CHL1: variants seen among roughly 807,000 people sequenced by gnomAD.
CHL1 encodes cell adhesion molecule L1 like.
CHL1 carries 96 observed loss-of-function variants against 141.9 expected under a neutral mutation model. The ratio of observed to expected loss-of-function variants is 0.68; its 90% CI spans 0.57 to 0.80. CHL1 has a LOEUF of 0.80. Ranked by LOEUF, CHL1 falls within the 30% of genes least tolerant of loss-of-function variation. CHL1 has a pLI of 0.00. For synonymous variants in CHL1, 613 were observed against 502.2 expected (o/e 1.22, Z -2.95); for missense variants, 1,820 against 1,457.2 (o/e 1.25, Z -4.05).
At chr3:396,856 A>G (rs1313062516) in intron 24 of CHL1, among the ~76,000 whole-genome samples, 3 of 152,184 alleles carry the variant, frequency 2.0e-5, no homozygotes, top group Admixed American at 6.5e-5. Context: ...GATCTTTGAA[A>G]AAAATATATA....
At chr3:244,870 G>A (rs1026198959) in intron 2 of CHL1, among the ~76,000 whole-genome samples, 178 bp downstream of exon 2, 13 of 151,852 alleles carry the variant, frequency 8.6e-5, no homozygotes, top group African/African-American at 3.1e-4. Flanking sequence ...GGTTTTTTTT[G>A]TTTTTTGAGT....
chr3:310,511 T>C (rs1036888529), intron 2 of CHL1, among the ~76,000 whole-genome samples: 5 of 152,352 alleles, frequency 3.3e-5, no homozygotes, highest in Middle Eastern at 3.4e-3. Flanking sequence ...TTTTTTGTTA[T>C]AGCTTAGAAA....
At chr3:381,089 C>G (rs1706974685) in intron 16 of CHL1, among the ~76,000 whole-genome samples, 1 of 152,104 alleles carries the variant, frequency 6.6e-6, no homozygotes, top group Admixed American at 6.6e-5. Context: ...CTCAGTAAGC[C>G]AGAAATAGGG....
At chr3:360,245 C>T (rs771557525) in intron 11 of CHL1, 39 bp from the exon 12 acceptor site, 2 of 1,607,596 alleles carry the variant, frequency 1.2e-6, no homozygotes, top group South Asian at 2.2e-5. Context: ...ATTTTATGTC[C>T]TGTTCCTTAT....
intron 23 of CHL1, among the ~76,000 whole-genome samples, chr3:393,587 GCTTTCTAT>G (rs1443771166): frequency 6.6e-6 from 1 of 151,808 alleles, no homozygotes; most frequent in African/African-American, 2.4e-5. Flanking sequence ...TAATTATTTT[GCTTTCTAT>G]TAATATTAAT....
intron 1 of CHL1, among the ~76,000 whole-genome samples, chr3:229,439 C>T (rs997081658): frequency 1.3e-5 from 2 of 152,064 alleles, no homozygotes; most frequent in African/African-American, 2.4e-5. Context: ...TCCAGGTATG[C>T]GAAGTGAATA....
Position 306,699 on chromosome 3 carries a change from A to T in CHL1, c.-94-12984A>T, listed in dbSNP as rs142988739. ...AAAAAGAAATGTGATGACAAAAAAA[A>T]TAATGCAAAAAATAAACAGTTATGA... On this transcript the variant is annotated intron_variant, in intron 2 of 27. Transcript: ENST00000256509. Among the ~76,000 whole-genome samples, 1,272 of 152,312 alleles carry T rather than the reference A, an allele frequency of 8.4e-3. 13 individuals carry two copies. Among genetic ancestry groups the T allele is most frequent in the Middle Eastern group, 0.031 (9 of 294 alleles).
At chr3:347,753 G>T (rs1702886896) in intron 9 of CHL1, among the ~76,000 whole-genome samples, 4 of 152,196 alleles carry the variant, frequency 2.6e-5, no homozygotes. Flanking sequence ...CATCCTCTTA[G>T]GTGGTGTGCT....
intron 2 of CHL1, among the ~76,000 whole-genome samples, chr3:312,478 G>T (rs1699833083): frequency 6.6e-6 from 1 of 152,204 alleles, no homozygotes; most frequent in Non-Finnish European, 1.5e-5. Flanking sequence ...CCAGGCAGGT[G>T]ATTGAACAAA....
intron 19 of CHL1, chr3:384,437 A>C (rs1707424231): frequency 6.6e-6 from 1 of 152,164 alleles, no homozygotes; most frequent in Admixed American, 6.6e-5. Context: ...GAAATCCGCA[A>C]AGCTAGGATT....
intron 2 of CHL1, among the ~76,000 whole-genome samples, chr3:265,454 G>C (rs758555616): frequency 1.3e-5 from 2 of 152,144 alleles, no homozygotes; most frequent in Non-Finnish European, 2.9e-5. Context: ...TAATTGTGCT[G>C]TCTTATTATT....
chr3:349,325 A>G (rs1461518611), intron 9 of CHL1, 34 bp from the exon 10 acceptor site: 14 of 1,565,864 alleles, frequency 8.9e-6, no homozygotes, highest in African/African-American at 1.4e-5. Flanking sequence ...TCCGCTTTTA[A>G]AAAAATGTTT....
intron 2 of CHL1, among the ~76,000 whole-genome samples, chr3:304,812 A>C (rs1162520821): frequency 6.6e-6 from 1 of 151,992 alleles, no homozygotes; most frequent in Non-Finnish European, 1.5e-5. Flanking sequence ...TTTCTTCTCT[A>C]GTTCTTTTAA....
intron 2 of CHL1, among the ~76,000 whole-genome samples, chr3:309,943 C>A (rs1223332442): frequency 6.6e-6 from 1 of 152,076 alleles, no homozygotes; most frequent in South Asian, 2.1e-4. Context: ...AGTTTCCAGA[C>A]TCAATGAGAG....
intron 14 of CHL1, 173 bp downstream of exon 14, chr3:363,556 G>T: frequency 1.7e-6 from 1 of 594,734 alleles, no homozygotes; most frequent in South Asian, 2.1e-5. Flanking sequence ...AGAACTACAG[G>T]GTATGCCCAT....
At chr3:323,492 T>C (rs536145207) in intron 3 of CHL1, among the ~76,000 whole-genome samples, 2 of 152,180 alleles carry the variant, frequency 1.3e-5, no homozygotes, top group East Asian at 1.9e-4. Flanking sequence ...AATGGTTTAA[T>C]GGTACACAGT....
rs1575083887 is a variant in CHL1, at chr3:330,315, A to T, written c.385+1961A>T. On this transcript the variant is annotated intron_variant, in intron 5 of 27. Transcript: ENST00000256509. ...CAGTGAAAACTCTACATAACAAAAC[A>T]TGTTGAATGCAGTGAAAGCATTATT... 2.6e-5 allele frequency among the ~76,000 whole-genome samples: 4 copies of T among 152,270 alleles called. No homozygotes were observed. In the South Asian group the frequency reaches 8.3e-4, roughly 32 times the overall value.
chr3:409,154 G>C lies in CHL1; in HGVS notation c.*3443G>C, dbSNP rs1314301910. 6.6e-6 allele frequency: 1 copy of C among 152,020 alleles called. No individual in the cohort carries two copies. Among genetic ancestry groups the C allele is most frequent in the African/African-American group, 2.4e-5 (1 of 41,398 alleles). 9.4% of individuals were successfully genotyped at this position (152,020 alleles called of 1,614,324 possible). ...TAGTGTTCCTATAGTGAAATAAGTA[G>C]GGTTCAGCCAAAGCTTTCTTTGTTT... is the stretch of plus-strand genomic sequence containing the variant. On this transcript the variant is annotated 3_prime_UTR_variant, in exon 28 of 28. Transcript: ENST00000256509.
chr3:242,316 G>GA (rs1373080100), intron 1 of CHL1, among the ~76,000 whole-genome samples: 1 of 151,556 alleles, frequency 6.6e-6, no homozygotes, highest in Non-Finnish European at 1.5e-5. Flanking sequence ...ACAGAGACTG[G>GA]CTGAGCGCGG....
Sources: allele counts gnomAD v4.1 joint callset (sites outside exome capture counted in the v4.1 genomes callset), GRCh38; gene constraint gnomAD v4.1.1; transcripts MANE v1.5; gene names NCBI Gene and HGNC (gene_info 2026-07-23, HGNC 2026-07-21).